ZNF862: variants seen among roughly 807,000 people sequenced by gnomAD.
ZNF862 encodes the protein zinc finger protein 862.
A neutral mutation model predicts 91.1 loss-of-function variants in ZNF862; 64 were observed. The ratio of observed to expected loss-of-function variants is 0.70; its 90% CI spans 0.57 to 0.87. The LOEUF is 0.87. Ranked by LOEUF, ZNF862 falls within the 40% of genes least tolerant of loss-of-function variation. The probability of loss-of-function intolerance (pLI) is 0.00; values close to 1 mark genes in which losing one functional copy is unlikely to be tolerated. For missense variants in ZNF862, 1,459 were observed against 1,528.0 expected (o/e 0.95, Z 0.75); for synonymous variants, 631 against 618.1 (o/e 1.02, Z -0.31).
chr7:149,862,561 C>CT, intron 7 of ZNF862, 67 bp downstream of exon 7: 3 of 1,461,058 alleles, frequency 2.1e-6, no homozygotes, highest in Non-Finnish European at 2.7e-6. Context: ...TAAGACAGGA[C>CT]TGCAGGTGCC....
rs1801913131 is a variant in ZNF862 at position 149,847,595 on chromosome 7, GTGT to G, written c.242-139_242-137del. 46 of 3,024 alleles carry G rather than the reference GTGT, an allele frequency of 0.015. No individual in the cohort carries two copies. In the Admixed American group the frequency reaches 0.17, roughly 11 times the overall value. The allele number at this position is 3,024 out of a possible 1,614,324, so 0.2% of individuals were successfully genotyped here. On this transcript the variant is annotated intron_variant, in intron 3 of 7. Transcript: ENST00000223210. Reference sequence around the variant, plus strand: ...GCCAGGACTAGAAGAAAATTCAGGTGTGTGTGTGTGTGTGTGTGTGTGTGTGTG... The same window carrying G: ...GCCAGGACTAGAAGAAAATTCAGGTGGTGTGTGTGTGTGTGTGTGTGTGTG...
intron 3 of ZNF862, among the ~76,000 whole-genome samples, chr7:149,847,129 G>T (rs1018619058): frequency 3.3e-5 from 5 of 152,222 alleles, no homozygotes. Flanking sequence ...GAAGAAGAAA[G>T]ATGTGAGGTC....
chr7:149,864,145 A>AT lies in ZNF862; in HGVS notation c.3372dup (p.Val1125CysfsTer70), dbSNP rs1299576732. 3 of 1,592,448 alleles carry AT rather than the reference A, an allele frequency of 1.9e-6. No homozygotes were observed. Among genetic ancestry groups the AT allele is most frequent in the Non-Finnish European group, 2.6e-6 (3 of 1,169,684 alleles). On this transcript the variant is annotated frameshift_variant, in exon 8 of 8. Transcript: ENST00000223210. LOFTEE classifies it low-confidence loss of function (END_TRUNC). Reference sequence around the variant, plus strand: ...AGGAAGGAGGAGATGGGAGCCCTCTATGTGGAGGAGCCCAGGACCCAGAAG... The same window carrying AT: ...AGGAAGGAGGAGATGGGAGCCCTCTATTGTGGAGGAGCCCAGGACCCAGAAG...
Position 149,848,298 on chromosome 7 carries a change from G to C in ZNF862, c.805G>C (p.Gly269Arg), listed in dbSNP as rs749153083. 3.1e-6 allele frequency: 5 copies of C among 1,607,672 alleles called. No homozygotes were observed. Among genetic ancestry groups the C allele is most frequent in the Middle Eastern group, 1.7e-4 (1 of 6,054 alleles). The change falls in exon 4 of 8, where the codon GGG becomes CGG. Residue 269 changes from glycine (G) to arginine (R), a missense_variant. Gly to Arg is a moderately radical substitution (Grantham distance 125). Coordinates refer to ENST00000223210, the MANE Select transcript of ZNF862 (RefSeq NM_001099220.3). Reference sequence around the variant, plus strand: ...TTCAAGAGCTGAACTAGAGGACCCTGGGGGGGATGGAGCAATTCCTGCAAT... The same window carrying C: ...TTCAAGAGCTGAACTAGAGGACCCTCGGGGGGATGGAGCAATTCCTGCAAT... ...PSSRAELEDP[G>R]GDGAIPAMYL...
intron 1 of ZNF862, among the ~76,000 whole-genome samples, chr7:149,841,977 G>T (rs1355706401): frequency 6.6e-6 from 1 of 152,196 alleles, no homozygotes; most frequent in Non-Finnish European, 1.5e-5. Context: ...TAGCATGGTT[G>T]TGGGGGGAAG....
At chr7:149,860,038 T>G (rs1802405188) in intron 6 of ZNF862, 4 of 328,480 alleles carry the variant, frequency 1.2e-5, no homozygotes, top group South Asian at 1.2e-4. Flanking sequence ...CACACGAGAG[T>G]GAAAGCCACC....
chr7:149,850,174 AGG>A lies in ZNF862; in HGVS notation c.956_957del (p.Gly319AlafsTer10). 1 of 1,570,662 alleles carries A rather than the reference AGG, an allele frequency of 6.4e-7. No homozygotes were observed. Among genetic ancestry groups the A allele is most frequent in the Non-Finnish European group, 8.6e-7 (1 of 1,158,378 alleles). On this transcript the variant is annotated frameshift_variant, in exon 5 of 8. Transcript: ENST00000223210. LOFTEE classifies it high-confidence loss of function. This position sits in a 1 kb window ranked among gnomAD's most constrained non-coding sequence, Gnocchi z 4.2. ...TCTTTGTTCCAGGACCCTTCTGCAG[AGG>A]GGCTGTCGGAGGAGGTTCCTGTGGT...
chr7:149,838,714 G>T, intron 1 of ZNF862, 79 bp downstream of exon 1: 1 of 963,746 alleles, frequency 1.0e-6, no homozygotes, highest in South Asian at 5.4e-5. Flanking sequence ...GGGGCGGCTC[G>T]GGCGGAGGCC....
Position 149,841,255 on chromosome 7 carries a change from T to C in ZNF862, c.24+2620T>C, listed in dbSNP as rs1164817798. ...TACCTCGTGAGATAGTGGTTTGGTCTATTACTAGACTCTTCCTTGGGTGCT... is the reference window on the plus strand; with the variant it reads ...TACCTCGTGAGATAGTGGTTTGGTCCATTACTAGACTCTTCCTTGGGTGCT... On this transcript the variant is annotated intron_variant, in intron 1 of 7. Coordinates refer to ENST00000223210, the MANE Select transcript of ZNF862 (RefSeq NM_001099220.3). 3 of 985,332 alleles carry C rather than the reference T, an allele frequency of 3.0e-6. No homozygotes were observed. The African/African-American group carries it at 5.2e-5, about 17-fold the overall frequency. The allele number at this position is 985,332 out of a possible 1,614,324, so 61.0% of individuals were successfully genotyped here. A position where few individuals can be genotyped will look rare whatever the true frequency, so the allele number is the denominator to read the frequency against.
Position 149,862,160 on chromosome 7 carries a change from C to T in ZNF862, c.3000C>T (p.Ala1000=), listed in dbSNP as rs377012412. The T allele has an allele frequency of 2.6e-4, 425 of 1,613,316 alleles. No homozygotes were observed. The Middle Eastern group carries it at 3.1e-3, about 12-fold the overall frequency. ...LEEWLGLKTI[A]QHLPFSMLCK... ...AGTGGCTGGGCCTGAAAACCATTGC[C>T]CAGCACCTCCCGTTCTCCATGCTCT... Residue 1000 remains alanine, a synonymous_variant, in exon 7 of 8, where the codon GCC becomes GCT. Transcript: ENST00000223210.
rs924272252 is a variant in ZNF862 at position 149,841,317 on chromosome 7, C to A, written c.24+2682C>A. The A allele has an allele frequency of 1.7e-5, 17 of 985,224 alleles. No individual in the cohort carries two copies. In the African/African-American group the frequency reaches 2.4e-4, roughly 14 times the overall value. The allele number at this position is 985,224 out of a possible 1,614,324, so 61.0% of individuals were successfully genotyped here. On this transcript the variant is annotated intron_variant, in intron 1 of 7. Coordinates refer to ENST00000223210, the MANE Select transcript of ZNF862 (RefSeq NM_001099220.3). ...TTTATTAACTGACAGCCATCTTGGG[C>A]CATTGGATTGATATCCCACATTGAA... is the stretch of plus-strand genomic sequence containing the variant.
Position 149,850,160 on chromosome 7 carries a change from G to A in ZNF862, c.940-1G>A, listed in dbSNP as rs774872981. 2 of 1,560,608 alleles carry A rather than the reference G, an allele frequency of 1.3e-6. No individual in the cohort carries two copies. The highest frequency in any genetic ancestry group is 1.7e-6 in the Non-Finnish European group (2 of 1,153,068). On this transcript the variant is annotated splice_acceptor_variant, in intron 4 of 7. Coordinates refer to ENST00000223210, the MANE Select transcript of ZNF862 (RefSeq NM_001099220.3). LOFTEE classifies it high-confidence loss of function. This position sits in a 1 kb window ranked among gnomAD's most constrained non-coding sequence, Gnocchi z 4.2. ...TGAGTGGCCGCTGCTCTTTGTTCCA[G>A]GACCCTTCTGCAGAGGGGCTGTCGG...
Position 149,848,060 on chromosome 7 carries a change from T to C in ZNF862, c.567T>C (p.Thr189=). ...EGYTGPFKVE[T]LKYHAKSKAH... is the part of the protein sequence containing the mutation. ...ATACAGGACCATTCAAGGTGGAGAC[T>C]CTCAAATACCACGCGAAGAGCAAGG... is the stretch of plus-strand genomic sequence containing the variant. Residue 189 remains threonine, a synonymous_variant, in exon 4 of 8, where the codon ACT becomes ACC. Transcript: ENST00000223210. 1 of 1,613,950 alleles carries C rather than the reference T, an allele frequency of 6.2e-7. No individual in the cohort carries two copies. The highest frequency in any genetic ancestry group is 8.5e-7 in the Non-Finnish European group (1 of 1,179,866).
In ZNF862 at chr7:149,850,372, T is replaced by C. The variant is rs769534239; in HGVS notation, c.1117+34T>C. 1.3e-6 allele frequency: 2 copies of C among 1,581,038 alleles called. No individual in the cohort carries two copies. The highest frequency in any genetic ancestry group is 1.7e-6 in the Non-Finnish European group (2 of 1,162,216). On this transcript the variant is annotated intron_variant, in intron 5 of 7. Transcript: ENST00000223210. The surrounding 1 kb of genome is among the most constrained non-coding windows in gnomAD (Gnocchi z 4.2). ...GCACCGAGCCTCTTATTCACCACCC[T>C]CCTTTGACTTGGGAAGCCCACAAGG... is the stretch of plus-strand genomic sequence containing the variant.
Position 149,864,481 on chromosome 7 carries a change from C to A in ZNF862, c.*197C>A. On this transcript the variant is annotated 3_prime_UTR_variant, in exon 8 of 8. Coordinates refer to ENST00000223210, the MANE Select transcript of ZNF862 (RefSeq NM_001099220.3). Reference sequence around the variant, plus strand: ...TTTCCTGAGGCCCCACTCAGCACAGCCATGCCTCACAGCACACAAATGTGC... The same window carrying A: ...TTTCCTGAGGCCCCACTCAGCACAGACATGCCTCACAGCACACAAATGTGC... The A allele has an allele frequency of 6.9e-6, 4 of 579,536 alleles. No homozygotes were observed. The highest frequency in any genetic ancestry group is 1.2e-5 in the Non-Finnish European group (4 of 328,052). The allele number at this position is 579,536 out of a possible 1,614,324, so 35.9% of individuals were successfully genotyped here.
chr7:149,859,318 C>G lies in ZNF862; in HGVS notation c.1118-104C>G, dbSNP rs1802370605. On this transcript the variant is annotated intron_variant, in intron 5 of 7. Coordinates refer to ENST00000223210, the MANE Select transcript of ZNF862 (RefSeq NM_001099220.3). Reference sequence around the variant, plus strand: ...CCGACTAGACTTTATAAGGACAGAACCCAGAGACACCTCTGTGTACTTCAG... The same window carrying G: ...CCGACTAGACTTTATAAGGACAGAAGCCAGAGACACCTCTGTGTACTTCAG... 2.8e-6 allele frequency: 3 copies of G among 1,080,060 alleles called. No individual in the cohort carries two copies. In the South Asian group the frequency reaches 4.0e-5, roughly 14 times the overall value. The allele number at this position is 1,080,060 out of a possible 1,614,324, so 66.9% of individuals were successfully genotyped here. A position where few individuals can be genotyped will look rare whatever the true frequency, so the allele number is the denominator to read the frequency against.
intron 3 of ZNF862, 94 bp from the exon 4 acceptor site, chr7:149,847,629 GTGTGCTTTCCGT>G: frequency 1.7e-6 from 1 of 594,354 alleles, no homozygotes; most frequent in Non-Finnish European, 2.9e-6. Context: ...GTGTGTGTGT[GTGTGCTTTCCGT>G]CTTTCATATT....
chr7:149,848,575 TATC>T, intron 4 of ZNF862, 143 bp downstream of exon 4: 1 of 659,680 alleles, frequency 1.5e-6, no homozygotes, highest in South Asian at 2.7e-5. Context: ...CCAACATGCT[TATC>T]ATGGACTAGG....
At chr7:149,848,516 AAAG>A in intron 4 of ZNF862, 84 bp downstream of exon 4, 1 of 1,151,696 alleles carries the variant, frequency 8.7e-7, no homozygotes, top group Non-Finnish European at 1.2e-6. Context: ...ATGATGGAAA[AAAG>A]AATACTAGTG....
Sources: gnomAD v4.1 joint callset for allele counts (sites outside exome capture counted in the v4.1 genomes callset) on GRCh38, gnomAD v4.1.1 for gene constraint, Gnocchi (gnomAD v3.1) non-coding constraint, MANE v1.5 for transcripts, NCBI Gene and HGNC (gene_info 2026-07-23, HGNC 2026-07-21) for gene names.